ACKR3: variants seen among roughly 807,000 people sequenced by gnomAD.
ACKR3 encodes C-X-C chemokine receptor type 7.
ACKR3 carries 6 observed loss-of-function variants against 22.4 expected under a neutral mutation model. The ratio of observed to expected loss-of-function variants is 0.27; its 90% confidence interval spans 0.15 to 0.53. ACKR3 has a LOEUF of 0.53. ACKR3 is among the 20% of genes least tolerant of loss of function. ACKR3 has a pLI of 0.96. For synonymous variants in ACKR3, 209 were observed against 205.2 expected (o/e 1.02, Z -0.16); for missense variants, 396 against 475.2 (o/e 0.83, Z 1.55).
chr2:236,560,641 C>T, the ACKR3 span, among the ~76,000 whole-genome samples: 1 of 152,100 alleles, frequency 6.6e-6, no homozygotes, highest in Non-Finnish European at 1.5e-5. Flanking sequence ...TGCCTTTTTA[C>T]TCCATTGATT....
the ACKR3 span, among the ~76,000 whole-genome samples, chr2:236,542,988 T>C: frequency 6.6e-6 from 1 of 152,260 alleles, no homozygotes; most frequent in South Asian, 2.1e-4. Context: ...ACAAAGAATG[T>C]GGCTCTTGCC....
chr2:236,548,867 G>A, the ACKR3 span, among the ~76,000 whole-genome samples: 54 of 152,254 alleles, frequency 3.5e-4, no homozygotes, highest in African/African-American at 8.4e-4. The surrounding 1 kb of genome is among the most constrained non-coding windows in gnomAD (Gnocchi z 4.3). Flanking sequence ...TTAAAAGCTC[G>A]TGCACATGCA....
upstream of ACKR3, among the ~76,000 whole-genome samples, chr2:236,567,019 T>C (rs1017164027): frequency 6.6e-6 from 1 of 151,916 alleles, no homozygotes; most frequent in Admixed American, 6.6e-5. Context: ...CCCTTCTTTT[T>C]CTTTTGACAG....
the ACKR3 span, among the ~76,000 whole-genome samples, chr2:236,549,358 C>A: frequency 6.6e-6 from 1 of 152,216 alleles, no homozygotes; most frequent in African/African-American, 2.4e-5. This position sits in a 1 kb window ranked among gnomAD's most constrained non-coding sequence, Gnocchi z 5.3. Context: ...CTGCTGAGGG[C>A]TCCATCAGTT....
chr2:236,546,754 A>T, the ACKR3 span, among the ~76,000 whole-genome samples: 8,751 of 152,284 alleles, frequency 0.057, 768 homozygotes, highest in African/African-American at 0.19. The surrounding 1 kb of genome is among the most constrained non-coding windows in gnomAD (Gnocchi z 4.9). Context: ...TGGGCGACCC[A>T]GCCCACTGGC....
At chr2:236,556,023 G>C in the ACKR3 span, among the ~76,000 whole-genome samples, 11 of 152,172 alleles carry the variant, frequency 7.2e-5, no homozygotes, top group Non-Finnish European at 1.3e-4. Flanking sequence ...AAGTAGGTGG[G>C]GGCAATCTGC....
upstream of ACKR3, among the ~76,000 whole-genome samples, chr2:236,567,329 G>A (rs1389251414): frequency 1.3e-5 from 2 of 152,120 alleles, no homozygotes; most frequent in African/African-American, 4.8e-5. Flanking sequence ...GGGCTCCCAT[G>A]CCGCGTGAAA....
the ACKR3 span, among the ~76,000 whole-genome samples, chr2:236,543,357 C>A: frequency 6.6e-6 from 1 of 152,122 alleles, no homozygotes; most frequent in African/African-American, 2.4e-5. Flanking sequence ...TTTTGCTCAG[C>A]TTCAGAGGAT....
chr2:236,550,489 T>A, the ACKR3 span, among the ~76,000 whole-genome samples: 7 of 152,218 alleles, frequency 4.6e-5, no homozygotes, highest in Non-Finnish European at 8.8e-5. This position sits in a 1 kb window ranked among gnomAD's most constrained non-coding sequence, Gnocchi z 4.6. Context: ...TCTGAGGATA[T>A]CCAGCTTGTG....
chr2:236,551,293 G>A, the ACKR3 span, among the ~76,000 whole-genome samples: 1 of 152,154 alleles, frequency 6.6e-6, no homozygotes, highest in African/African-American at 2.4e-5. Flanking sequence ...CTCCTACCCG[G>A]CCATTTGAGT....
At chr2:236,576,849 A>G (rs1175860868) in intron 1 of ACKR3, among the ~76,000 whole-genome samples, 1 of 152,256 alleles carries the variant, frequency 6.6e-6, no homozygotes, top group Admixed American at 6.5e-5. Flanking sequence ...GAAATGACAA[A>G]AGGGTAAGCT....
the ACKR3 span, among the ~76,000 whole-genome samples, chr2:236,547,500 A>G: frequency 6.6e-6 from 1 of 150,812 alleles, no homozygotes; most frequent in Non-Finnish European, 1.5e-5. Context: ...TCCTTCTTGC[A>G]TATCAGACCA....
intron 1 of ACKR3, 47 bp from the exon 2 acceptor site, chr2:236,580,393 A>G: frequency 1.3e-6 from 2 of 1,541,200 alleles, no homozygotes; most frequent in Non-Finnish European, 1.7e-6. Context: ...TTCCTAATGA[A>G]GTGACTTTCC....
chr2:236,538,606 G>A, the ACKR3 span, among the ~76,000 whole-genome samples: 1 of 152,230 alleles, frequency 6.6e-6, no homozygotes, highest in Admixed American at 6.5e-5. Flanking sequence ...CTTCTGAGAA[G>A]TGGCTGGGGT....
rs1691392273 is a variant in ACKR3 at position 236,575,495 on chromosome 2, C to CTGTGTGTGCGTGTGTCTGGGGTTG, written c.-26-4937_-26-4936insCGTGTGTCTGGGGTTGTGTGTGTG. Among the ~76,000 whole-genome samples, 3 of 86,330 alleles carry CTGTGTGTGCGTGTGTCTGGGGTTG rather than the reference C, an allele frequency of 3.5e-5. 1 individual carries two copies. The highest frequency in any genetic ancestry group is 1.6e-4 in the African/African-American group (3 of 18,720). 56.6% of individuals were successfully genotyped at this position (86,330 alleles called of 152,430 possible). On this transcript the variant is annotated intron_variant, in intron 1 of 1. Coordinates refer to ENST00000272928, the MANE Select transcript of ACKR3 (RefSeq NM_020311.3). The stretch of plus-strand genomic sequence containing the variant: ...GTGTGTGCGTGTGTCTGGGGTTGTG[C>CTGTGTGTGCGTGTGTCTGGGGTTG]TGTGTGTGTGTGTGTCTGGGGTTGT...
rs1251142518 is a variant in ACKR3 at position 236,574,154 on chromosome 2, C to T, written c.-27+4230C>T. On this transcript the variant is annotated intron_variant, in intron 1 of 1. Coordinates refer to ENST00000272928, the MANE Select transcript of ACKR3 (RefSeq NM_020311.3). This position sits in a 1 kb window ranked among gnomAD's most constrained non-coding sequence, Gnocchi z 5.6. ...TCTGATTTGTTGTCCTCACGTGCCCCAGAGCAGTGCCTCCTGGAACAAGAG... is the reference window on the plus strand; with the variant it reads ...TCTGATTTGTTGTCCTCACGTGCCCTAGAGCAGTGCCTCCTGGAACAAGAG... Among the ~76,000 whole-genome samples, 1 of 152,018 alleles carries T rather than the reference C, an allele frequency of 6.6e-6. No individual in the cohort carries two copies. Among genetic ancestry groups the T allele is most frequent in the East Asian group, 1.9e-4 (1 of 5,164 alleles).
In ACKR3 at chr2:236,574,200, C is replaced by T. The variant is rs1370153798; in HGVS notation, c.-27+4276C>T. Among the ~76,000 whole-genome samples the T allele has an allele frequency of 6.6e-6, 1 of 152,092 alleles. No homozygotes were observed. Among genetic ancestry groups the T allele is most frequent in the Non-Finnish European group, 1.5e-5 (1 of 68,002 alleles). On this transcript the variant is annotated intron_variant, in intron 1 of 1. Transcript: ENST00000272928. This position sits in a 1 kb window ranked among gnomAD's most constrained non-coding sequence, Gnocchi z 5.6. ...AAGAGGCTCAGTCCGTCAACACCAGCTCGGTGACGATTTCAGAAAAGTCTC... is the reference window on the plus strand; with the variant it reads ...AAGAGGCTCAGTCCGTCAACACCAGTTCGGTGACGATTTCAGAAAAGTCTC...
At chr2:236,573,552 C>A (rs748053099) in intron 1 of ACKR3, among the ~76,000 whole-genome samples, 1 of 152,260 alleles carries the variant, frequency 6.6e-6, no homozygotes, top group African/African-American at 2.4e-5. Flanking sequence ...GGACACAGGT[C>A]TCACACTGCA....
chr2:236,563,847 T>C (rs1235421524), upstream of ACKR3, among the ~76,000 whole-genome samples: 1 of 152,198 alleles, frequency 6.6e-6, no homozygotes, highest in Non-Finnish European at 1.5e-5. Context: ...CTGCAGCCGC[T>C]GTGCCCCCAC....
Sources: gnomAD v4.1 joint callset for allele counts (sites outside exome capture counted in the v4.1 genomes callset) on GRCh38, gnomAD v4.1.1 for gene constraint, Gnocchi (gnomAD v3.1) non-coding constraint, MANE v1.5 for transcripts, NCBI Gene and HGNC (gene_info 2026-07-23, HGNC 2026-07-21) for gene names.